The following LNX1 variants were observed in gnomAD, a reference collection of about 807,000 sequenced individuals.
LNX1 encodes ligand of numb-protein X 1, also known as E3 ubiquitin-protein ligase LNX.
LNX1 carries 54 observed loss-of-function variants against 68.4 expected under a neutral mutation model. That is an observed-to-expected ratio of 0.79 (90% CI 0.63 to 0.99). LNX1 has a LOEUF of 0.99. Ranked by LOEUF, LNX1 falls within the 50% of genes least tolerant of loss-of-function variation. The pLI, the probability that LNX1 is intolerant of heterozygous loss-of-function variation, is 0.00. For missense variants in LNX1, 906 were observed against 926.4 expected (o/e 0.98, Z 0.29); for synonymous variants, 336 against 350.0 (o/e 0.96, Z 0.45).
chr4:53,534,319 G>A (rs1472897558), intron 2 of LNX1, among the ~76,000 whole-genome samples: 2 of 152,070 alleles, frequency 1.3e-5, no homozygotes, highest in African/African-American at 4.8e-5. Context: ...CTTCAACCCT[G>A]AATGTCATAA....
intron 2 of LNX1, among the ~76,000 whole-genome samples, chr4:53,611,162 C>T (rs1173592851): frequency 1.3e-5 from 2 of 151,526 alleles, no homozygotes; most frequent in African/African-American, 4.9e-5. Context: ...ATAGGTGGAT[C>T]TACAAACAGG....
At chr4:53,591,153 T>G (rs1732482855) in intron 1 of LNX1, among the ~76,000 whole-genome samples, 1 of 152,168 alleles carries the variant, frequency 6.6e-6, no homozygotes, top group South Asian at 2.1e-4. Flanking sequence ...ACAGGCTGGA[T>G]TAATGATCAG....
At chr4:53,583,137 G>A (rs1463913924) in intron 1 of LNX1, among the ~76,000 whole-genome samples, 1 of 152,152 alleles carries the variant, frequency 6.6e-6, no homozygotes, top group African/African-American at 2.4e-5. Flanking sequence ...GATCGATAAT[G>A]TGCCATCAAA....
chr4:53,645,481 GC>G (rs1734851079), intron 1 of LNX1, among the ~76,000 whole-genome samples: 1 of 152,218 alleles, frequency 6.6e-6, no homozygotes, highest in Admixed American at 6.5e-5. Flanking sequence ...GCCTACTCAA[GC>G]CCAAAGAGCA....
intron 1 of LNX1, among the ~76,000 whole-genome samples, chr4:53,590,201 G>A (rs1258463908): frequency 2.0e-5 from 3 of 152,206 alleles, no homozygotes; most frequent in Non-Finnish European, 4.4e-5. Context: ...TCTTAGTGGT[G>A]AGGAACGACT....
intron 6 of LNX1, among the ~76,000 whole-genome samples, chr4:53,483,165 C>G (rs1185014318): frequency 1.3e-5 from 2 of 152,234 alleles, no homozygotes; most frequent in Middle Eastern, 3.4e-3. Context: ...TAGTAAGTCT[C>G]ACGAGATCTG....
intron 2 of LNX1, among the ~76,000 whole-genome samples, chr4:53,546,664 C>T (rs541765644): frequency 1.3e-5 from 2 of 152,254 alleles, no homozygotes; most frequent in African/African-American, 4.8e-5. Flanking sequence ...TCTCCTTCGG[C>T]TCTCAAAAAT....
intron 2 of LNX1, among the ~76,000 whole-genome samples, chr4:53,535,866 A>T (rs182400074): frequency 6.6e-6 from 1 of 152,290 alleles, no homozygotes; most frequent in Non-Finnish European, 1.5e-5. Context: ...GTATGTCTAC[A>T]TTTGATATGA....
chr4:53,536,595 T>C (rs1184637068), intron 2 of LNX1, among the ~76,000 whole-genome samples: 2 of 152,218 alleles, frequency 1.3e-5, no homozygotes, highest in Non-Finnish European at 2.9e-5. Flanking sequence ...AGGGCCTCTG[T>C]GTCCCTGGTT....
chr4:53,482,091 T>G (rs1368076818), intron 6 of LNX1, among the ~76,000 whole-genome samples: 1 of 152,214 alleles, frequency 6.6e-6, no homozygotes, highest in Non-Finnish European at 1.5e-5. Flanking sequence ...TAGGGAAGGT[T>G]TGGTTCCTTC....
chr4:53,553,223 C>T (rs1729640045), intron 2 of LNX1, among the ~76,000 whole-genome samples: 1 of 152,090 alleles, frequency 6.6e-6, no homozygotes, highest in Non-Finnish European at 1.5e-5. Context: ...TAATTTTCAA[C>T]AGGGAAAGTC....
chr4:53,582,448 C>T (rs914178073), intron 1 of LNX1, among the ~76,000 whole-genome samples: 7 of 152,164 alleles, frequency 4.6e-5, no homozygotes, highest in Admixed American at 2.6e-4. Flanking sequence ...AGTACATAAG[C>T]GAGCCCAGTC....
chr4:53,601,778 A>T (rs1733027732), intron 2 of LNX1, among the ~76,000 whole-genome samples: 1 of 152,106 alleles, frequency 6.6e-6, no homozygotes, highest in Non-Finnish European at 1.5e-5. Context: ...TCATCTCAAG[A>T]TGGCATCTTC....
chr4:53,578,797 A>G (rs1731652401), intron 1 of LNX1, among the ~76,000 whole-genome samples: 1 of 152,210 alleles, frequency 6.6e-6, no homozygotes, highest in Non-Finnish European at 1.5e-5. Flanking sequence ...TAATGTAAAC[A>G]CTGCTGTATA....
intron 2 of LNX1, chr4:53,558,364 G>T: frequency 1.5e-6 from 1 of 669,946 alleles, no homozygotes; most frequent in Non-Finnish European, 1.9e-6. Flanking sequence ...ACATGAGCAT[G>T]ACACATTCAG....
chr4:53,642,577 G>C (rs559963691), intron 1 of LNX1, among the ~76,000 whole-genome samples: 2 of 152,248 alleles, frequency 1.3e-5, no homozygotes, highest in South Asian at 4.2e-4. Context: ...TATGCTTGGG[G>C]TCAAATCAAT....
chr4:53,637,960 TGTG>T (rs2109880896), intron 1 of LNX1, among the ~76,000 whole-genome samples: 2 of 152,324 alleles, frequency 1.3e-5, no homozygotes, highest in African/African-American at 4.8e-5. Context: ...AGGCTCCCAC[TGTG>T]TATTCTTGAA....
chr4:53,569,100 C>T (rs1306807528), intron 2 of LNX1, among the ~76,000 whole-genome samples: 4 of 151,706 alleles, frequency 2.6e-5, no homozygotes, highest in East Asian at 1.9e-4. Flanking sequence ...AGGTAATTTA[C>T]AGATTCAGTG....
chr4:53,514,909 T>C (rs1191562463), intron 2 of LNX1, among the ~76,000 whole-genome samples: 2 of 152,176 alleles, frequency 1.3e-5, no homozygotes, highest in Admixed American at 6.5e-5. Context: ...ACTGACAAAT[T>C]AGGCTAAACA....
Sources: allele counts gnomAD v4.1 joint callset (sites outside exome capture counted in the v4.1 genomes callset), GRCh38; gene constraint gnomAD v4.1.1; transcripts MANE v1.5; gene names NCBI Gene and HGNC (gene_info 2026-07-23, HGNC 2026-07-21).